Variants in TGFB2 observed in about 807,000 individuals in gnomAD.
TGFB2 encodes transforming growth factor beta 2.
Under a neutral mutation model 42.7 loss-of-function variants are expected in TGFB2, and 13 were observed. The ratio of observed to expected loss-of-function variants is 0.30; its 90% CI spans 0.20 to 0.48. The LOEUF (loss-of-function observed/expected upper bound fraction) is 0.48, where lower values mean the gene tolerates loss of function less well. Among genes scored for constraint, TGFB2 ranks in the 20% least tolerant of loss-of-function variants. The pLI is 0.99. For missense variants in TGFB2, 390 were observed against 517.5 expected (o/e 0.75, Z 2.39); for synonymous variants, 193 against 193.6 (o/e 1.00, Z 0.03).
chr1:218,437,229 G>A, intron 5 of TGFB2, 114 bp from the exon 6 acceptor site: 1 of 1,080,884 alleles, frequency 9.3e-7, no homozygotes, highest in South Asian at 1.7e-5. Context: ...CTCATTAGAT[G>A]TTTGTTGAAT....
chr1:218,422,327 C>G (rs958122213), intron 2 of TGFB2, among the ~76,000 whole-genome samples: 2 of 152,040 alleles, frequency 1.3e-5, no homozygotes, highest in African/African-American at 4.8e-5. Flanking sequence ...AACAGATCCT[C>G]CTGCCCCAGC....
At chr1:218,407,327 A>T (rs1175050968) in intron 2 of TGFB2, among the ~76,000 whole-genome samples, 1 of 152,058 alleles carries the variant, frequency 6.6e-6, no homozygotes, top group African/African-American at 2.4e-5. Flanking sequence ...AGATCATCCC[A>T]CCTCTGCTTC....
At chr1:218,432,904 T>A (rs1198698266) in intron 2 of TGFB2, among the ~76,000 whole-genome samples, 5 of 152,166 alleles carry the variant, frequency 3.3e-5, no homozygotes, top group Non-Finnish European at 7.3e-5. Flanking sequence ...TTTACTATAG[T>A]AGACTTAGAA....
At chr1:218,419,584 T>C (rs1659389400) in intron 2 of TGFB2, among the ~76,000 whole-genome samples, 1 of 152,234 alleles carries the variant, frequency 6.6e-6, no homozygotes, top group Non-Finnish European at 1.5e-5. Flanking sequence ...ATAAGTGTTT[T>C]TTAATGAATT....
chr1:218,405,040 TA>T lies in TGFB2; in HGVS notation c.347-126del, dbSNP rs1658860476. On this transcript the variant is annotated intron_variant, in intron 1 of 6. Coordinates refer to ENST00000366930, the MANE Select transcript of TGFB2 (RefSeq NM_003238.6). ...TTTCTGGTTACATTGTTAATGGTAT[TA>T]AACTGGCCGTTGGAAACTATTCTGT... 5 of 1,051,980 alleles carry T rather than the reference TA, an allele frequency of 4.8e-6. No homozygotes were observed. In the East Asian group the frequency reaches 1.2e-4, roughly 25 times the overall value. 65.2% of individuals were successfully genotyped at this position (1,051,980 alleles called of 1,614,324 possible).
intron 1 of TGFB2, among the ~76,000 whole-genome samples, chr1:218,370,563 G>A (rs1247113344): frequency 6.6e-6 from 1 of 152,192 alleles, no homozygotes; most frequent in African/African-American, 2.4e-5. Context: ...TCCATGTGAT[G>A]ATATAGTATA....
chr1:218,406,386 G>A (rs548174990), intron 2 of TGFB2, among the ~76,000 whole-genome samples: 1 of 152,154 alleles, frequency 6.6e-6, no homozygotes, highest in South Asian at 2.1e-4. Flanking sequence ...TAGTCTACAG[G>A]GCATTTGCAT....
rs537041655 is a variant in TGFB2, at chr1:218,377,332, T to C, written c.347-27837T>C. 2.6e-5 allele frequency among the ~76,000 whole-genome samples: 4 copies of C among 152,336 alleles called. No individual in the cohort carries two copies. In the East Asian group the frequency reaches 7.7e-4, roughly 29 times the overall value. On this transcript the variant is annotated intron_variant, in intron 1 of 6. Transcript: ENST00000366930. The stretch of plus-strand genomic sequence containing the variant: ...ACAGGACAGAAGCAAAACATAGATA[T>C]CTATGTTGATAGCATAACTTTTCAC...
rs553796939 is a variant in TGFB2 at position 218,360,363 on chromosome 1, C to T, written c.346+13316C>T. 2.8e-4 allele frequency among the ~76,000 whole-genome samples: 43 copies of T among 152,306 alleles called. 1 individual carries two copies. Among genetic ancestry groups the T allele is most frequent in the Admixed American group, 2.7e-3 (42 of 15,300 alleles). The stretch of plus-strand genomic sequence containing the variant: ...TTAATTACTTTGTAAATTACCCATG[C>T]GAAGTTTTAATTCTAGGACTGTTTC... On this transcript the variant is annotated intron_variant, in intron 1 of 6. Coordinates refer to ENST00000366930, the MANE Select transcript of TGFB2 (RefSeq NM_003238.6).
intron 1 of TGFB2, among the ~76,000 whole-genome samples, chr1:218,368,965 T>C (rs12085618): frequency 0.011 from 1,748 of 152,086 alleles, 30 homozygotes; most frequent in East Asian, 0.086. Context: ...CTGTTAAGAA[T>C]GGTATGTTGG....
intron 2 of TGFB2, among the ~76,000 whole-genome samples, chr1:218,422,377 C>A (rs1659485728): frequency 6.6e-6 from 1 of 151,986 alleles, no homozygotes; most frequent in Admixed American, 6.6e-5. Flanking sequence ...ACCACCATGT[C>A]CAGCTAATTT....
intron 2 of TGFB2, among the ~76,000 whole-genome samples, chr1:218,429,062 C>G (rs1659721813): frequency 6.8e-6 from 1 of 146,718 alleles, no homozygotes; most frequent in Non-Finnish European, 1.5e-5. Context: ...CTCACTGCAA[C>G]CTCCGCCTCC....
chr1:218,346,671 A>G lies in TGFB2; in HGVS notation c.-31A>G, dbSNP rs1204953752. 1.3e-6 allele frequency: 2 copies of G among 1,557,050 alleles called. No individual in the cohort carries two copies. The highest frequency in any genetic ancestry group is 1.2e-5 in the South Asian group (1 of 83,288). ...TTTCTTTTTTTTATTCTGACTTTTA[A>G]AAACAACTTTTTTTTCCACTTTTTT... On this transcript the variant is annotated 5_prime_UTR_variant, in exon 1 of 7. Transcript: ENST00000366930. This position sits in a 1 kb window ranked among gnomAD's most constrained non-coding sequence, Gnocchi z 4.9.
At chr1:218,385,394 C>A (rs1487954886) in intron 1 of TGFB2, among the ~76,000 whole-genome samples, 3 of 152,200 alleles carry the variant, frequency 2.0e-5, no homozygotes, top group African/African-American at 4.8e-5. Flanking sequence ...TTGAGCTTGA[C>A]GAAAGCCTGT....
At chr1:218,399,851 C>T (rs560085047) in intron 1 of TGFB2, among the ~76,000 whole-genome samples, 12 of 152,090 alleles carry the variant, frequency 7.9e-5, no homozygotes, top group African/African-American at 1.9e-4. Context: ...AGTTCTGTTA[C>T]GGTATGGGAA....
chr1:218,408,253 A>G (rs12035819), intron 2 of TGFB2, among the ~76,000 whole-genome samples: 10,575 of 152,150 alleles, frequency 0.07, 397 homozygotes, highest in East Asian at 0.15. Context: ...CCCAGGGCCC[A>G]TCCCATCTCC....
At chr1:218,405,375 T>TGTTG (rs10695360) in intron 2 of TGFB2, 43 bp downstream of exon 2, 2 of 1,609,190 alleles carry the variant, frequency 1.2e-6, no homozygotes, top group Non-Finnish European at 8.5e-7. Context: ...TTGTTGTTGT[T>TGTTG]TTAGACAGAC....
At position 218,356,400 on chromosome 1, in the gene TGFB2, G is replaced by A. The variant is rs117036198; in HGVS notation, c.346+9353G>A. Among the ~76,000 whole-genome samples the A allele has an allele frequency of 1.1e-4, 16 of 151,906 alleles. No homozygotes were observed. In the East Asian group the frequency reaches 2.5e-3, roughly 24 times the overall value. ...CCTGGCTAATTTTTTCAATTTTTTT[G>A]TAGAGCTGGGGTCTTGTCATGTTGT... On this transcript the variant is annotated intron_variant, in intron 1 of 6. Transcript: ENST00000366930.
rs1229695713 is a variant in TGFB2, at chr1:218,434,280, G to T, written c.644-58G>T. ...ATCCCTAAGTTACTTTAAATTGATTGCAGATTTAAGGGTATAGACACACAT... is the reference window on the plus strand; with the variant it reads ...ATCCCTAAGTTACTTTAAATTGATTTCAGATTTAAGGGTATAGACACACAT... On this transcript the variant is annotated intron_variant, in intron 3 of 6. Coordinates refer to ENST00000366930, the MANE Select transcript of TGFB2 (RefSeq NM_003238.6). 6 of 1,609,918 alleles carry T rather than the reference G, an allele frequency of 3.7e-6. No homozygotes were observed. In the African/African-American group the frequency reaches 8.0e-5, roughly 22 times the overall value.
Sources: gnomAD v4.1 joint callset for allele counts (sites outside exome capture counted in the v4.1 genomes callset) on GRCh38, gnomAD v4.1.1 for gene constraint, Gnocchi (gnomAD v3.1) non-coding constraint, MANE v1.5 for transcripts, NCBI Gene and HGNC (gene_info 2026-07-23, HGNC 2026-07-21) for gene names.